Variants in SHROOM3 observed in about 807,000 individuals in gnomAD.
SHROOM3 encodes shroom family member 3, also known as protein Shroom3.
Under a neutral mutation model 138.6 loss-of-function variants are expected in SHROOM3, and 47 were observed. The observed-to-expected ratio is 0.34, with a 90% CI of 0.27 to 0.43. The LOEUF (loss-of-function observed/expected upper bound fraction) is 0.43, where lower values mean the gene tolerates loss of function less well. Among genes scored for constraint, SHROOM3 ranks in the 20% least tolerant of loss-of-function variants. The probability of loss-of-function intolerance (pLI) is 1.00; values close to 1 mark genes in which losing one functional copy is unlikely to be tolerated. For synonymous variants in SHROOM3, 1,062 were observed against 1,063.3 expected (o/e 1.00, Z 0.02); for missense variants, 2,491 against 2,596.5 (o/e 0.96, Z 0.88).
rs543400708 is a variant in SHROOM3 at position 76,554,938 on chromosome 4, T to G, written c.169-671T>G. Among the ~76,000 whole-genome samples, 153 of 151,722 alleles carry G rather than the reference T, an allele frequency of 1.0e-3. 1 individual carries two copies. The highest frequency in any genetic ancestry group is 6.8e-3 in the Middle Eastern group (2 of 294). ...TCTCACAGGAGCCCGAACCCTATTG[T>G]GAACTACACATGCGAGGGATCTAGG... On this transcript the variant is annotated intron_variant, in intron 1 of 10. Transcript: ENST00000296043.
chr4:76,595,723 A>C (rs570845349), intron 2 of SHROOM3, among the ~76,000 whole-genome samples: 4 of 152,336 alleles, frequency 2.6e-5, no homozygotes, highest in African/African-American at 9.6e-5. Context: ...AGGGTGATGA[A>C]GGAGCTGCCT....
chr4:76,619,650 T>G (rs190589306), intron 2 of SHROOM3, among the ~76,000 whole-genome samples: 1 of 152,268 alleles, frequency 6.6e-6, no homozygotes, highest in East Asian at 1.9e-4. Flanking sequence ...AGCTACTGTT[T>G]TTATTGTAAG....
rs374648202 is a variant in SHROOM3, at chr4:76,530,843, C to T, written c.169-24766C>T. Among the ~76,000 whole-genome samples, 110 of 152,256 alleles carry T rather than the reference C, an allele frequency of 7.2e-4. 1 individual carries two copies. In the South Asian group the frequency reaches 0.021, roughly 28 times the overall value. On this transcript the variant is annotated intron_variant, in intron 1 of 10. Transcript: ENST00000296043. ...GTGGCTGGCTGGGGACCATCACACA[C>T]GGGAGGCTGTGTGCTGAGGAATGGG... is the stretch of plus-strand genomic sequence containing the variant.
chr4:76,779,125 C>A lies in SHROOM3; in HGVS notation c.5939C>A (p.Ala1980Asp). ...PPNLTSEPIP[A>D]GGCTFSGIFP... is the part of the protein sequence containing the mutation. ...AACCTCACGAGTGAGCCCATTCCTG[C>A]TGGGGGCTGTACTTTCAGTGGTATT... Residue 1980 changes from alanine to aspartate, a missense_variant, in exon 11 of 11, where the codon GCT becomes GAT. By Grantham distance (126) the Ala-to-Asp change is moderately radical. Around this residue, in one of 4 missense-constraint regions of SHROOM3, gnomAD observed 470 missense variants for 595.0 expected, o/e 0.79. Transcript: ENST00000296043. 1.2e-6 allele frequency: 2 copies of A among 1,614,170 alleles called. No individual in the cohort carries two copies. The highest frequency in any genetic ancestry group is 1.7e-6 in the Non-Finnish European group (2 of 1,180,014).
Position 76,464,406 on chromosome 4 carries a change from A to ATT in SHROOM3, c.168+28197_168+28198dup, listed in dbSNP as rs1191709322. On this transcript the variant is annotated intron_variant, in intron 1 of 10. Transcript: ENST00000296043. Reference sequence around the variant, plus strand: ...CCCCATTGTATCTTGGAAGTAACTAATTTTTTTTTTTTAATTTTATAGGCT... The same window carrying ATT: ...CCCCATTGTATCTTGGAAGTAACTAATTTTTTTTTTTTTTAATTTTATAGGCT... Among the ~76,000 whole-genome samples the ATT allele has an allele frequency of 3.2e-3, 475 of 148,144 alleles. 3 individuals carry two copies. The highest frequency in any genetic ancestry group is 0.011 in the African/African-American group (449 of 40,538).
intron 2 of SHROOM3, among the ~76,000 whole-genome samples, chr4:76,646,582 C>T (rs1451965773): frequency 1.3e-5 from 2 of 152,038 alleles, no homozygotes; most frequent in Non-Finnish European, 2.9e-5. Flanking sequence ...TAACACGGTA[C>T]TTCAGGGAAG....
intron 2 of SHROOM3, among the ~76,000 whole-genome samples, chr4:76,652,462 G>A (rs10518153): frequency 0.27 from 40,667 of 151,912 alleles, 5,712 homozygotes; most frequent in East Asian, 0.43. Context: ...ACATTGGGAG[G>A]TTGAATATGC....
chr4:76,754,315 C>T lies in SHROOM3; in HGVS notation c.3832C>T (p.Leu1278Phe), dbSNP rs1229983204. The T allele has an allele frequency of 6.2e-7, 1 of 1,614,174 alleles. No homozygotes were observed. Among genetic ancestry groups the T allele is most frequent in the South Asian group, 1.1e-5 (1 of 91,066 alleles). ...CCTGTCTGTGTGCCGTTCCAGGTCA[C>T]TCAGTTGTTCAGAAAGAGGCCAAGA... ...CYLAGPGSRS[L>F]SCSERGQEEM... Residue 1278 changes from leucine (L) to phenylalanine (F), a missense_variant, in exon 7 of 11, where the codon CTC (leucine) becomes TTC (phenylalanine). Transcript: ENST00000296043.
chr4:76,496,297 A>G (rs1731967076), intron 1 of SHROOM3, among the ~76,000 whole-genome samples: 2 of 152,192 alleles, frequency 1.3e-5, no homozygotes, highest in Non-Finnish European at 2.9e-5. Context: ...TAGTGGTCCA[A>G]GGAATTCACA....
chr4:76,773,269 G>A (rs959701036), intron 10 of SHROOM3, among the ~76,000 whole-genome samples: 10 of 151,710 alleles, frequency 6.6e-5, no homozygotes, highest in African/African-American at 2.4e-4. Context: ...AGCTACTCAG[G>A]AGGCTGAGGC....
intron 1 of SHROOM3, among the ~76,000 whole-genome samples, chr4:76,484,638 T>C (rs1169583854): frequency 6.6e-6 from 1 of 152,214 alleles, no homozygotes; most frequent in African/African-American, 2.4e-5. Context: ...GATTACAGTT[T>C]AGCGGAAGCA....
intron 2 of SHROOM3, among the ~76,000 whole-genome samples, chr4:76,601,642 C>G (rs902541035): frequency 6.6e-6 from 1 of 151,910 alleles, no homozygotes; most frequent in Non-Finnish European, 1.5e-5. Context: ...GTAGCCGGGA[C>G]TACAGGTGCG....
At chr4:76,644,576 T>C (rs1438353415) in intron 2 of SHROOM3, among the ~76,000 whole-genome samples, 2 of 152,078 alleles carry the variant, frequency 1.3e-5, no homozygotes, top group Non-Finnish European at 2.9e-5. Context: ...GGTTTTTTTT[T>C]TTTAACTTTT....
At chr4:76,751,718 T>C (rs931798910) in intron 6 of SHROOM3, among the ~76,000 whole-genome samples, 1 of 152,124 alleles carries the variant, frequency 6.6e-6, no homozygotes, top group African/African-American at 2.4e-5. Context: ...GAAAAGATGC[T>C]CAACACCACT....
chr4:76,602,895 T>C (rs944628299), intron 2 of SHROOM3, among the ~76,000 whole-genome samples: 1 of 152,204 alleles, frequency 6.6e-6, no homozygotes, highest in Non-Finnish European at 1.5e-5. Context: ...GTATTTTTCT[T>C]AGAAGGTGAT....
intron 2 of SHROOM3, among the ~76,000 whole-genome samples, chr4:76,591,161 C>T (rs1734265629): frequency 6.6e-6 from 1 of 152,174 alleles, no homozygotes; most frequent in African/African-American, 2.4e-5. Flanking sequence ...GCAGGCATGC[C>T]AGACAGAGAC....
intron 2 of SHROOM3, among the ~76,000 whole-genome samples, chr4:76,651,098 CAT>C (rs1349295946): frequency 6.7e-6 from 1 of 149,982 alleles, no homozygotes; most frequent in Non-Finnish European, 1.5e-5. Context: ...AGCTCATAAA[CAT>C]AGAGAGTAGA....
At chr4:76,703,488 T>C (rs2110113969) in intron 2 of SHROOM3, among the ~76,000 whole-genome samples, 1 of 152,274 alleles carries the variant, frequency 6.6e-6, no homozygotes, top group East Asian at 1.9e-4. Context: ...GAAGAGCACC[T>C]ATGTTTGGCT....
chr4:76,674,747 G>T (rs1271530246), intron 2 of SHROOM3, among the ~76,000 whole-genome samples: 1 of 151,780 alleles, frequency 6.6e-6, no homozygotes, highest in Non-Finnish European at 1.5e-5. Context: ...TAGAGCCAGG[G>T]TTTCTCCATG....
Sources: gnomAD v4.1 joint callset for allele counts (sites outside exome capture counted in the v4.1 genomes callset) on GRCh38, gnomAD v4.1.1 for gene constraint, gnomAD v4.1.1 regional missense constraint, MANE v1.5 for transcripts, NCBI Gene and HGNC (gene_info 2026-07-23, HGNC 2026-07-21) for gene names.